CNBD1: variants seen among roughly 807,000 people sequenced by gnomAD.
CNBD1 encodes cyclic nucleotide-binding domain-containing protein 1.
Under a neutral mutation model 54.4 loss-of-function variants are expected in CNBD1, and 71 were observed. The ratio of observed to expected loss-of-function variants is 1.30; its 90% CI spans 1.08 to 1.59. The LOEUF (loss-of-function observed/expected upper bound fraction) is 1.59, where lower values mean the gene tolerates loss of function less well. CNBD1 is among the 40% of genes most tolerant of loss of function. CNBD1 has a pLI of 0.00. For missense variants in CNBD1, 659 were observed against 518.0 expected (o/e 1.27, Z -2.64); for synonymous variants, 182 against 170.7 (o/e 1.07, Z -0.51).
chr8:87,039,364 T>A lies in CNBD1; in HGVS notation c.431+99610T>A, dbSNP rs6981699. On this transcript the variant is annotated intron_variant, in intron 4 of 10. Coordinates refer to ENST00000518476, the MANE Select transcript of CNBD1 (RefSeq NM_173538.3). ...CAGTGGATCATATATTTATTCAGTA[T>A]GTTTGTACTCAAAAGTTTTGATCTT... Among the ~76,000 whole-genome samples, 990 of 152,306 alleles carry A rather than the reference T, an allele frequency of 6.5e-3. 15 individuals are homozygous for A. Among genetic ancestry groups the A allele is most frequent in the African/African-American group, 0.022 (912 of 41,574 alleles).
intron 4 of CNBD1, among the ~76,000 whole-genome samples, chr8:87,144,302 A>G (rs1812436613): frequency 6.6e-6 from 1 of 152,208 alleles, no homozygotes; most frequent in Non-Finnish European, 1.5e-5. Context: ...TTTTAAAATG[A>G]GTTTACTTTA....
intron 3 of CNBD1, among the ~76,000 whole-genome samples, chr8:86,920,019 A>G (rs1809246357): frequency 6.6e-6 from 1 of 152,122 alleles, no homozygotes; most frequent in Non-Finnish European, 1.5e-5. Context: ...TGAAAAAAAA[A>G]AGTCACCAAA....
intron 8 of CNBD1, among the ~76,000 whole-genome samples, chr8:87,327,610 C>T (rs1416625601): frequency 6.6e-6 from 1 of 152,212 alleles, no homozygotes; most frequent in African/African-American, 2.4e-5. Context: ...AAAGGGAACT[C>T]CCTGACCCCT....
At chr8:86,914,279 T>G (rs1371840226) in intron 3 of CNBD1, among the ~76,000 whole-genome samples, 1 of 152,218 alleles carries the variant, frequency 6.6e-6, no homozygotes, top group Non-Finnish European at 1.5e-5. Flanking sequence ...TGAATGTCCA[T>G]GAAATCTTCA....
intron 4 of CNBD1, among the ~76,000 whole-genome samples, chr8:86,982,095 C>A (rs1220443958): frequency 6.6e-6 from 1 of 152,150 alleles, no homozygotes. Context: ...TTAAATTTTA[C>A]CCATTCCTGT....
intron 3 of CNBD1, among the ~76,000 whole-genome samples, chr8:86,923,349 C>T (rs1004309477): frequency 1.7e-4 from 26 of 152,280 alleles, no homozygotes; most frequent in African/African-American, 6.0e-4. Flanking sequence ...CACAGCCATT[C>T]CAGGGCACCT....
At position 87,377,615 on chromosome 8, in the gene CNBD1, G is replaced by C. The variant is rs539842609; in HGVS notation, c.1304-5005G>C. Among the ~76,000 whole-genome samples, 60 of 150,952 alleles carry C rather than the reference G, an allele frequency of 4.0e-4. No homozygotes were observed. The East Asian group carries it at 7.8e-3, about 20-fold the overall frequency. On this transcript the variant is annotated intron_variant, in intron 10 of 10. Coordinates refer to ENST00000518476, the MANE Select transcript of CNBD1 (RefSeq NM_173538.3). ...GTGAATAATGCCGCAATAAACATACGTGTGCATGTGTCTTTATAGCAGCAT... is the reference window on the plus strand; with the variant it reads ...GTGAATAATGCCGCAATAAACATACCTGTGCATGTGTCTTTATAGCAGCAT...
intron 3 of CNBD1, among the ~76,000 whole-genome samples, chr8:86,933,276 G>C (rs966627282): frequency 6.6e-6 from 1 of 152,030 alleles, no homozygotes; most frequent in Admixed American, 6.6e-5. Context: ...AGCCAAGTTT[G>C]TATACAAAAC....
intron 4 of CNBD1, among the ~76,000 whole-genome samples, chr8:86,980,684 G>A (rs1169555239): frequency 1.3e-5 from 2 of 152,122 alleles, no homozygotes; most frequent in African/African-American, 2.4e-5. Context: ...GGTATTAAGG[G>A]ATTTGCAAAA....
intron 4 of CNBD1, among the ~76,000 whole-genome samples, chr8:86,994,084 C>A (rs187759352): frequency 6.6e-6 from 1 of 152,208 alleles, no homozygotes; most frequent in Non-Finnish European, 1.5e-5. Flanking sequence ...CATGTTTCAT[C>A]CCTCTCAGTA....
chr8:87,385,051 A>G (rs1375960530), downstream of CNBD1, among the ~76,000 whole-genome samples: 1 of 152,206 alleles, frequency 6.6e-6, no homozygotes, highest in Admixed American at 6.5e-5. Flanking sequence ...CTTGGGTTCT[A>G]TATGCAAAAT....
intron 5 of CNBD1, among the ~76,000 whole-genome samples, chr8:87,212,187 T>C (rs902410439): frequency 7.9e-5 from 12 of 152,136 alleles, no homozygotes; most frequent in African/African-American, 2.4e-4. Context: ...GACTTGTACA[T>C]TGAAAACTAT....
chr8:87,263,834 G>A (rs1431628090), intron 6 of CNBD1, among the ~76,000 whole-genome samples: 2 of 152,010 alleles, frequency 1.3e-5, no homozygotes, highest in Non-Finnish European at 2.9e-5. Flanking sequence ...GCAGGCAACA[G>A]AGAAGATATA....
At chr8:87,186,740 A>G (rs1466330163) in intron 4 of CNBD1, among the ~76,000 whole-genome samples, 1 of 151,996 alleles carries the variant, frequency 6.6e-6, no homozygotes, top group African/African-American at 2.4e-5. Context: ...CCCATTTTAA[A>G]TTTATTATTG....
Position 87,091,448 on chromosome 8 carries a change from C to A in CNBD1, c.432-114545C>A, listed in dbSNP as rs148549036. Among the ~76,000 whole-genome samples, 509 of 152,298 alleles carry A rather than the reference C, an allele frequency of 3.3e-3. 2 individuals are homozygous for A. Among genetic ancestry groups the A allele is most frequent in the Middle Eastern group, 0.017 (5 of 294 alleles). On this transcript the variant is annotated intron_variant, in intron 4 of 10. Coordinates refer to ENST00000518476, the MANE Select transcript of CNBD1 (RefSeq NM_173538.3). ...ATCTGGTTACTTCCATCTCTAACAT[C>A]AACTCCAGAATATATGCTAAACTCT...
rs1229062719 is a variant in CNBD1, at chr8:87,380,399, A to C, written c.1304-2221A>C. Among the ~76,000 whole-genome samples, 4 of 151,898 alleles carry C rather than the reference A, an allele frequency of 2.6e-5. No homozygotes were observed. The South Asian group carries it at 8.3e-4, about 32-fold the overall frequency. ...TGTATGATTGTCTTTATGCAATACC[A>C]TACTGTTTTGATTACTGTAGCTTTG... is the stretch of plus-strand genomic sequence containing the variant. On this transcript the variant is annotated intron_variant, in intron 10 of 10. Transcript: ENST00000518476.
intron 4 of CNBD1, among the ~76,000 whole-genome samples, chr8:87,193,783 G>C (rs1417648616): frequency 6.6e-6 from 1 of 152,142 alleles, no homozygotes; most frequent in African/African-American, 2.4e-5. Flanking sequence ...CAAATTTGAT[G>C]TCTTAAAACT....
At chr8:87,307,520 C>T (rs1809180672) in intron 8 of CNBD1, among the ~76,000 whole-genome samples, 1 of 152,074 alleles carries the variant, frequency 6.6e-6, no homozygotes, top group African/African-American at 2.4e-5. Context: ...GGTGGATCAG[C>T]TGAGGCTGGG....
At chr8:86,889,030 G>A (rs970270648) in intron 2 of CNBD1, among the ~76,000 whole-genome samples, 7 of 152,024 alleles carry the variant, frequency 4.6e-5, no homozygotes, top group Admixed American at 4.6e-4. Context: ...GGTCCAATCT[G>A]GCTGTACTGC....
Sources: allele counts gnomAD v4.1 joint callset (sites outside exome capture counted in the v4.1 genomes callset), GRCh38; gene constraint gnomAD v4.1.1; transcripts MANE v1.5; gene names NCBI Gene and HGNC (gene_info 2026-07-23, HGNC 2026-07-21).